Variants in HABP4 observed in about 807,000 individuals in gnomAD.
HABP4 encodes hyaluronan binding protein 4.
A neutral mutation model predicts 44.1 loss-of-function variants in HABP4; 32 were observed. That is an observed-to-expected ratio of 0.73 (90% confidence interval 0.55 to 0.97). HABP4 has a LOEUF of 0.97. Ranked by LOEUF, HABP4 falls within the 50% of genes least tolerant of loss-of-function variation. HABP4 has a pLI of 0.00. For missense variants in HABP4, 503 were observed against 561.9 expected (o/e 0.90, Z 1.06); for synonymous variants, 216 against 218.0 (o/e 0.99, Z 0.08).
intron 5 of HABP4, among the ~76,000 whole-genome samples, chr9:96,471,949 C>G (rs1434255550): frequency 6.6e-6 from 1 of 152,048 alleles, no homozygotes; most frequent in East Asian, 1.9e-4. Flanking sequence ...GCTACCATGC[C>G]CGGCTAATTT....
intron 4 of HABP4, among the ~76,000 whole-genome samples, chr9:96,466,098 C>T (rs941126947): frequency 9.9e-5 from 15 of 152,160 alleles, no homozygotes; most frequent in African/African-American, 3.6e-4. Context: ...TGGCTGCACA[C>T]GGTGACTCAC....
At chr9:96,471,697 T>C (rs1832700926) in intron 5 of HABP4, among the ~76,000 whole-genome samples, 1 of 152,178 alleles carries the variant, frequency 6.6e-6, no homozygotes, top group Non-Finnish European at 1.5e-5. Context: ...TCTAGTGTCT[T>C]GTCCCCTCTG....
At chr9:96,458,608 TTTTTC>T in intron 2 of HABP4, 67 bp downstream of exon 2, 1 of 1,073,340 alleles carries the variant, frequency 9.3e-7, no homozygotes, top group South Asian at 1.4e-5. Flanking sequence ...TGCTACTTTC[TTTTTC>T]TTTTCTTTCT....
intron 2 of HABP4, among the ~76,000 whole-genome samples, chr9:96,463,805 T>C (rs2131128341): frequency 6.6e-6 from 1 of 152,332 alleles, no homozygotes; most frequent in African/African-American, 2.4e-5. Context: ...TTTCTTAATG[T>C]AACACTTTTA....
chr9:96,471,972 A>G (rs1205396307), intron 5 of HABP4, among the ~76,000 whole-genome samples: 2 of 152,044 alleles, frequency 1.3e-5, no homozygotes, highest in Admixed American at 1.3e-4. Context: ...TATTTTTAGT[A>G]GAGACGGGGT....
chr9:96,489,918 C>T (rs893295823), intron 7 of HABP4, 64 bp from the exon 8 acceptor site: 4 of 1,006,122 alleles, frequency 4.0e-6, no homozygotes, highest in Middle Eastern at 2.1e-4. Flanking sequence ...CCTTGTTATC[C>T]CACTGGGATA....
chr9:96,452,410 A>T (rs1832299930), intron 1 of HABP4, among the ~76,000 whole-genome samples: 1 of 152,132 alleles, frequency 6.6e-6, no homozygotes, highest in South Asian at 2.1e-4. Context: ...CTTTGCATTT[A>T]TATACATAAA....
At chr9:96,479,175 T>C (rs1832834578) in intron 5 of HABP4, among the ~76,000 whole-genome samples, 1 of 152,222 alleles carries the variant, frequency 6.6e-6, no homozygotes, top group Admixed American at 6.5e-5. Flanking sequence ...CCTAGACTGC[T>C]TGTTTCTCCT....
intron 5 of HABP4, among the ~76,000 whole-genome samples, chr9:96,477,545 AT>A (rs894497419): frequency 1.2e-4 from 19 of 152,104 alleles, no homozygotes; most frequent in East Asian, 9.7e-4. Flanking sequence ...ACTCCATTAA[AT>A]TTTTTTTAAT....
intron 6 of HABP4, among the ~76,000 whole-genome samples, chr9:96,485,226 T>C (rs1832951718): frequency 6.6e-6 from 1 of 152,204 alleles, no homozygotes; most frequent in Non-Finnish European, 1.5e-5. Flanking sequence ...TAATTTTGTA[T>C]TTTTAGTAGA....
Position 96,488,203 on chromosome 9 carries a change from A to G in HABP4, c.1114A>G (p.Arg372Gly). 1 of 1,613,614 alleles carries G rather than the reference A, an allele frequency of 6.2e-7. No homozygotes were observed. Among genetic ancestry groups the G allele is most frequent in the Non-Finnish European group, 8.5e-7 (1 of 1,179,498 alleles). The change falls in exon 7 of 8, where the codon AGA becomes GGA. Residue 372 changes from arginine (R) to glycine (G), a missense_variant. Arg to Gly is a moderately radical substitution (Grantham distance 125). Coordinates refer to ENST00000375249, the MANE Select transcript of HABP4 (RefSeq NM_014282.4). The surrounding 1 kb of genome is among the most constrained non-coding windows in gnomAD (Gnocchi z 4.6). ...GNLPRPGRGARGGTRGGRGRI... is the reference protein window; with the variant it reads ...GNLPRPGRGAGGGTRGGRGRI... ...CCTCCCTCGTCCTGGGCGTGGAGCC[A>G]GAGGAGGCACCCGGGGAGGCCGGGG...
chr9:96,460,087 GT>G (rs1404592938), intron 2 of HABP4, among the ~76,000 whole-genome samples: 1 of 152,044 alleles, frequency 6.6e-6, no homozygotes, highest in African/African-American at 2.4e-5. Flanking sequence ...ACAAACCCAT[GT>G]TTCCCCCCTT....
chr9:96,453,614 G>A (rs953358687), intron 1 of HABP4, among the ~76,000 whole-genome samples: 12 of 152,198 alleles, frequency 7.9e-5, no homozygotes, highest in African/African-American at 1.7e-4. Context: ...ATGAGAGGCC[G>A]TTTCAGTTTT....
At chr9:96,482,128 C>T (rs778340348) in intron 5 of HABP4, among the ~76,000 whole-genome samples, 23 of 152,056 alleles carry the variant, frequency 1.5e-4, no homozygotes, top group Non-Finnish European at 2.4e-4. Context: ...TTAGTAGAGA[C>T]GGGGTTTCAC....
intron 2 of HABP4, among the ~76,000 whole-genome samples, chr9:96,463,602 T>A (rs996928141): frequency 8.5e-5 from 13 of 152,172 alleles, no homozygotes; most frequent in East Asian, 5.8e-4. Context: ...GCTTTAGATA[T>A]TTGCTATAGT....
chr9:96,471,450 G>A (rs1832697167), intron 5 of HABP4, among the ~76,000 whole-genome samples: 1 of 152,006 alleles, frequency 6.6e-6, no homozygotes, highest in African/African-American at 2.4e-5. Context: ...CTTTCTTGAT[G>A]ATTTCTAAGA....
At chr9:96,460,280 G>A (rs1832478291) in intron 2 of HABP4, among the ~76,000 whole-genome samples, 1 of 152,010 alleles carries the variant, frequency 6.6e-6, no homozygotes, top group South Asian at 2.1e-4. Context: ...AGAATTATAC[G>A]AAGAATTTCC....
At chr9:96,468,833 T>G (rs371307850) in intron 4 of HABP4, among the ~76,000 whole-genome samples, 2 of 152,234 alleles carry the variant, frequency 1.3e-5, no homozygotes, top group Admixed American at 1.3e-4. Flanking sequence ...AGTAAGAAAT[T>G]TATTTCTTAG....
intron 5 of HABP4, among the ~76,000 whole-genome samples, chr9:96,482,609 T>C (rs749814352): frequency 1.3e-5 from 2 of 152,170 alleles, no homozygotes; most frequent in Admixed American, 6.5e-5. Context: ...AGAAGGTTGT[T>C]ATCATCCCAA....
Sources: gnomAD v4.1 joint callset for allele counts (sites outside exome capture counted in the v4.1 genomes callset) on GRCh38, gnomAD v4.1.1 for gene constraint, Gnocchi (gnomAD v3.1) non-coding constraint, MANE v1.5 for transcripts, NCBI Gene and HGNC (gene_info 2026-07-23, HGNC 2026-07-21) for gene names.